The following DMD variants were observed in gnomAD, a reference collection of about 807,000 sequenced individuals.
DMD encodes mutant dystrophin.
Under a neutral mutation model 330.1 loss-of-function variants are expected in DMD, and 63 were observed. That is an observed-to-expected ratio of 0.19 (90% confidence interval 0.16 to 0.24). The LOEUF (loss-of-function observed/expected upper bound fraction) is 0.24, where lower values mean the gene tolerates loss of function less well. DMD is among the 10% of genes least tolerant of loss of function. DMD has a pLI of 1.00. For synonymous variants in DMD, 1,223 were observed against 959.8 expected, an observed-to-expected ratio of 1.27 and a Z score of -5.07; for missense variants, 3,344 against 2,684.1, an observed-to-expected ratio of 1.25 and a Z score of -5.43.
chrX:33,280,404 G>A (rs142306849), intron 1 of DMD, among the ~76,000 whole-genome samples: 3 of 112,032 alleles, frequency 2.7e-5, no homozygotes, highest in South Asian at 3.6e-4. Context: ...ACACTTTAAC[G>A]TTAGATCCCA....
rs892696579 is a variant in DMD, at chrX:33,133,865, T to G, written c.31+77417A>C. On this transcript the variant is annotated intron_variant, in intron 1 of 78. Transcript: ENST00000357033. ...ATTTTTGGATACTGTTCTTTTATTT[T>G]GATTGCATATCTTTCCCATAGGGTT... is the stretch of plus-strand genomic sequence containing the variant. Among the ~76,000 whole-genome samples the G allele has an allele frequency of 2.7e-5, 3 of 112,065 alleles. No individual in the cohort carries two copies. The East Asian group carries it at 8.4e-4, about 31-fold the overall frequency.
intron 44 of DMD, among the ~76,000 whole-genome samples, chrX:32,056,244 G>T (rs754859197): frequency 1.8e-5 from 2 of 109,533 alleles, no homozygotes; most frequent in Non-Finnish European, 3.8e-5. Context: ...GACAAACTAA[G>T]CCCAAAGTTA....
chrX:32,702,141 T>G (rs1436389941), intron 7 of DMD, among the ~76,000 whole-genome samples: 1 of 112,195 alleles, frequency 8.9e-6, no homozygotes, highest in South Asian at 3.6e-4. Context: ...AGATAGAAAA[T>G]TCATGAATTC....
intron 52 of DMD, among the ~76,000 whole-genome samples, chrX:31,726,274 A>T (rs940091697): frequency 9.8e-5 from 11 of 112,356 alleles, no homozygotes; most frequent in African/African-American, 3.6e-4. Flanking sequence ...GTTTAACATG[A>T]ATATTTCTAG....
At chrX:32,779,608 G>C in intron 7 of DMD, among the ~76,000 whole-genome samples, 1 of 104,713 alleles carries the variant, frequency 9.5e-6, no homozygotes, top group African/African-American at 3.5e-5. Flanking sequence ...TTTTATCCTT[G>C]CGATAGTTTG....
At chrX:32,149,788 G>A (rs2096795669) in intron 44 of DMD, among the ~76,000 whole-genome samples, 1 of 111,433 alleles carries the variant, frequency 9.0e-6, no homozygotes, top group Non-Finnish European at 1.9e-5. Flanking sequence ...CTGAGATGAA[G>A]CTTCATGCAA....
intron 7 of DMD, among the ~76,000 whole-genome samples, chrX:32,808,835 G>A (rs2077138703): frequency 8.9e-6 from 1 of 111,821 alleles, no homozygotes. Context: ...TACTTCATAG[G>A]CTAGAAGAAG....
intron 74 of DMD, among the ~76,000 whole-genome samples, chrX:31,157,049 G>T (rs1282731172): frequency 8.9e-6 from 1 of 111,866 alleles, no homozygotes; most frequent in Non-Finnish European, 1.9e-5. Context: ...AGATTTCCTT[G>T]ATTTGACCCA....
intron 1 of DMD, among the ~76,000 whole-genome samples, chrX:33,097,966 A>G (rs1483358962): frequency 9.0e-6 from 1 of 111,456 alleles, no homozygotes; most frequent in African/African-American, 3.3e-5. Context: ...ATTGGCTACT[A>G]TATTGGTCAT....
intron 28 of DMD, among the ~76,000 whole-genome samples, chrX:32,439,519 A>T (rs981745194): frequency 8.9e-6 from 1 of 111,774 alleles, no homozygotes; most frequent in Non-Finnish European, 1.9e-5. Flanking sequence ...ATTTTAATGG[A>T]TACATTATTT....
chrX:32,335,333 T>A (rs1446843608), intron 41 of DMD, among the ~76,000 whole-genome samples: 1 of 107,406 alleles, frequency 9.3e-6, no homozygotes, highest in Admixed American at 1.0e-4. Flanking sequence ...TCTGAGAAGC[T>A]TGGATTACAA....
intron 51 of DMD, among the ~76,000 whole-genome samples, chrX:31,755,137 A>AT (rs35366767): frequency 1.9e-5 from 2 of 107,005 alleles, no homozygotes; most frequent in African/African-American, 7.4e-5. Flanking sequence ...CATTTGAACT[A>AT]TTTTTTATCA....
chrX:31,545,627 G>A (rs2074101052), intron 55 of DMD, among the ~76,000 whole-genome samples: 3 of 112,307 alleles, frequency 2.7e-5, no homozygotes, highest in Admixed American at 1.9e-4. Flanking sequence ...TTGTGAGAAT[G>A]GGCATTTGTG....
intron 4 of DMD, among the ~76,000 whole-genome samples, chrX:32,836,961 GTCTT>G (rs2079698685): frequency 9.0e-6 from 1 of 111,136 alleles, no homozygotes; most frequent in Admixed American, 9.6e-5. Flanking sequence ...CTCTCAGCGT[GTCTT>G]TCTTTTCTGG....
intron 42 of DMD, among the ~76,000 whole-genome samples, chrX:32,293,601 A>G (rs1358502019): frequency 8.9e-6 from 1 of 112,140 alleles, no homozygotes; most frequent in African/African-American, 3.2e-5. Flanking sequence ...ATCTTTCACT[A>G]TAAAATAGAA....
intron 44 of DMD, among the ~76,000 whole-genome samples, chrX:32,132,991 T>TCC (rs2096705003): frequency 7.6e-5 from 2 of 26,310 alleles, no homozygotes; most frequent in African/African-American, 1.1e-4. Context: ...TCCTTTTCTT[T>TCC]TCTTTTTTTT....
At chrX:32,509,990 A>G (rs1159337719) in intron 18 of DMD, among the ~76,000 whole-genome samples, 4 of 111,521 alleles carry the variant, frequency 3.6e-5, no homozygotes, top group Non-Finnish European at 7.5e-5. Flanking sequence ...ACCACATTAG[A>G]CAAAGTACCC....
chrX:31,849,878 A>G (rs1350694596), intron 48 of DMD, among the ~76,000 whole-genome samples: 2 of 111,500 alleles, frequency 1.8e-5, no homozygotes, highest in Non-Finnish European at 3.8e-5. Context: ...TTTTGTAAAC[A>G]TTAAGTGTCC....
rs1257538677 is a variant in DMD at position 31,120,325 on chromosome X, T to G, written c.*1594A>C. On this transcript the variant is annotated 3_prime_UTR_variant, in exon 79 of 79. Transcript: ENST00000357033. ...TCTAATCCACCAAGAAGGGTTTTTT[T>G]GTAACATTTGAATCAATTTGCCTTC... 9.1e-6 allele frequency: 1 copy of G among 110,056 alleles called. No individual in the cohort carries two copies. The highest frequency in any genetic ancestry group is 3.4e-5 in the African/African-American group (1 of 29,610). 9.1% of individuals were successfully genotyped at this position (110,056 alleles called of 1,213,427 possible).
Sources: allele counts gnomAD v4.1 joint callset (sites outside exome capture counted in the v4.1 genomes callset), GRCh38; gene constraint gnomAD v4.1.1; transcripts MANE v1.5; gene names NCBI Gene and HGNC (gene_info 2026-07-23, HGNC 2026-07-21).